MARF1: variants seen among roughly 807,000 people sequenced by gnomAD.
The protein encoded by MARF1 is limkain-b1.
Under a neutral mutation model 168.2 loss-of-function variants are expected in MARF1, and 24 were observed. The observed-to-expected ratio is 0.14, with a 90% CI of 0.10 to 0.20. MARF1 has a LOEUF of 0.20. Ranked by LOEUF, MARF1 falls within the 10% of genes least tolerant of loss-of-function variation. MARF1 has a pLI of 1.00. For missense variants in MARF1, 1,744 were observed against 2,143.6 expected (o/e 0.81, Z 3.68); for synonymous variants, 868 against 822.4 (o/e 1.06, Z -0.95).
chr16:15,635,456 ACT>A (rs1181619912), intron 3 of MARF1, 198 bp downstream of exon 3: 13 of 563,906 alleles, frequency 2.3e-5, no homozygotes, highest in Non-Finnish European at 3.1e-5. Flanking sequence ...AAAAATAATG[ACT>A]CTCTACTTTT....
intron 4 of MARF1, 119 bp from the exon 5 acceptor site, chr16:15,633,962 A>T (rs2035417551): frequency 1.2e-6 from 1 of 816,696 alleles, no homozygotes; most frequent in East Asian, 2.7e-5. Flanking sequence ...AATGAATGCC[A>T]AGTTTTAAGG....
At position 15,617,419 on chromosome 16, in the gene MARF1, C is replaced by T. The variant is rs1046378627; in HGVS notation, c.2837G>A (p.Ser946Asn). The T allele has an allele frequency of 3.7e-6, 6 of 1,613,876 alleles. No individual in the cohort carries two copies. The African/African-American group carries it at 8.0e-5, about 22-fold the overall frequency. ...GTGTGACTGGGAAGACCCCAAGGGG[C>T]TCTGGCGGGCCTGACTGCTGGGTAG... is the stretch of plus-strand genomic sequence containing the variant. The part of the protein sequence containing the change: ...CLLPSSQARQ[S>N]PLGSSQSHDG... The change falls in exon 14 of 27, where the codon AGC becomes AAC. Residue 946 changes from serine (S) to asparagine (N), a missense_variant. Ser to Asn is a conservative substitution (Grantham distance 46). Around this residue, in one of 7 missense-constraint regions of MARF1, gnomAD observed 543 missense variants for 742.1 expected, o/e 0.73. Transcript: ENST00000396368.
At chr16:15,612,516 C>T in intron 17 of MARF1, 41 bp downstream of exon 17, 3 of 1,538,378 alleles carry the variant, frequency 2.0e-6, no homozygotes, top group Middle Eastern at 1.7e-4. Context: ...CATGGAGGAA[C>T]ATTCCTGCCT....
At position 15,596,522 on chromosome 16, in the gene MARF1, G is replaced by T; in HGVS notation, c.*171C>A. Reference sequence around the variant, plus strand: ...AAGGAAGAAGAAAAGAAAGACTTCAGCTCAAAGCTGTGTTCAATGGAAAAG... The same window carrying T: ...AAGGAAGAAGAAAAGAAAGACTTCATCTCAAAGCTGTGTTCAATGGAAAAG... On this transcript the variant is annotated 3_prime_UTR_variant, in exon 27 of 27. Transcript: ENST00000396368. 1 of 514,768 alleles carries T rather than the reference G, an allele frequency of 1.9e-6. No individual in the cohort carries two copies. Among genetic ancestry groups the T allele is most frequent in the Non-Finnish European group, 3.3e-6 (1 of 306,102 alleles). The allele number at this position is 514,768 out of a possible 1,614,324, so 31.9% of individuals were successfully genotyped here.
intron 16 of MARF1, among the ~76,000 whole-genome samples, chr16:15,614,290 T>C (rs765361102): frequency 1.7e-5 from 2 of 119,360 alleles, no homozygotes; most frequent in Non-Finnish European, 3.7e-5. Context: ...AGACCATCCT[T>C]GCTAACACGG....
rs748200201 is a variant in MARF1, at chr16:15,636,302, T to C, written c.185A>G (p.Lys62Arg). ...MENKKVAVEL[K>R]DVPSPLHAGS... ...AGCATGAAGGGGTGATGGTACATCC[T>C]TTAGTTCCACAGCAACTTTCTTGTT... Residue 62 changes from lysine to arginine, a missense_variant, in exon 3 of 27, where the codon AAG becomes AGG. Transcript: ENST00000396368. The C allele has an allele frequency of 2.5e-6, 4 of 1,581,972 alleles. No homozygotes were observed. Among genetic ancestry groups the C allele is most frequent in the Non-Finnish European group, 3.4e-6 (4 of 1,162,864 alleles).
intron 13 of MARF1, among the ~76,000 whole-genome samples, chr16:15,618,443 C>CAGGGG (rs1238237202): frequency 1.3e-5 from 2 of 152,194 alleles, no homozygotes; most frequent in Non-Finnish European, 2.9e-5. Context: ...CTGTGTTACC[C>CAGGGG]CCGAGTCTCT....
intron 1 of MARF1, among the ~76,000 whole-genome samples, chr16:15,640,696 A>G (rs1251994207): frequency 6.6e-6 from 1 of 152,348 alleles, no homozygotes; most frequent in African/African-American, 2.4e-5. Flanking sequence ...ACCCTGTCTC[A>G]AAAACCAACA....
At chr16:15,605,667 G>C (rs2032947674) in intron 21 of MARF1, among the ~76,000 whole-genome samples, 1 of 152,096 alleles carries the variant, frequency 6.6e-6, no homozygotes, top group South Asian at 2.1e-4. Context: ...GAATTGCCTG[G>C]GGAGCTTTTA....
At chr16:15,631,304 T>C in intron 6 of MARF1, 77 bp downstream of exon 6, 1 of 993,080 alleles carries the variant, frequency 1.0e-6, no homozygotes, top group South Asian at 1.3e-5. Context: ...ACATTTTACT[T>C]TCACATGTTG....
chr16:15,633,184 C>CACAG (rs1169026273), intron 5 of MARF1, among the ~76,000 whole-genome samples: 1 of 149,632 alleles, frequency 6.7e-6, no homozygotes, highest in Non-Finnish European at 1.5e-5. Flanking sequence ...ACCACACACA[C>CACAG]ACACACACAC....
intron 26 of MARF1, among the ~76,000 whole-genome samples, chr16:15,597,344 C>T (rs946225811): frequency 6.6e-6 from 1 of 152,236 alleles, no homozygotes; most frequent in Non-Finnish European, 1.5e-5. Flanking sequence ...GTCGGAGCAT[C>T]TGGGTGTCAG....
chr16:15,631,936 T>C (rs1371242684), intron 5 of MARF1, among the ~76,000 whole-genome samples: 1 of 152,264 alleles, frequency 6.6e-6, no homozygotes, highest in Non-Finnish European at 1.5e-5. Flanking sequence ...CTCATTCTTT[T>C]TTATGGCTGC....
At chr16:15,637,107 T>TTG in intron 2 of MARF1, among the ~76,000 whole-genome samples, 1 of 152,308 alleles carries the variant, frequency 6.6e-6, no homozygotes, top group Non-Finnish European at 1.5e-5. Flanking sequence ...TACTCAATAG[T>TTG]TGTATGACCT....
Position 15,608,473 on chromosome 16 carries a change from C to G in MARF1, c.4000G>C (p.Glu1334Gln). The change falls in exon 21 of 27, where the codon GAG (glutamate) becomes CAG (glutamine). Residue 1334 changes from glutamate (E) to glutamine (Q), a missense_variant. Coordinates refer to ENST00000396368, the MANE Select transcript of MARF1 (RefSeq NM_014647.4). ...TGGGCAGCTAGAGCTTTGAACCGCT[C>G]CACCTCTGTCAGAGTAAGGATCTTT... is the stretch of plus-strand genomic sequence containing the variant. ...EEKILTLTEV[E>Q]RFKALAAQFV... is the part of the protein sequence containing the mutation. The G allele has an allele frequency of 6.8e-6, 11 of 1,614,118 alleles. No individual in the cohort carries two copies. Among genetic ancestry groups the G allele is most frequent in the Non-Finnish European group, 9.3e-6 (11 of 1,180,006 alleles).
chr16:15,633,671 T>C lies in MARF1; in HGVS notation c.1179A>G (p.Val393=), dbSNP rs753460491. Residue 393 remains valine (V), a synonymous_variant, in exon 5 of 27, where the codon GTA becomes GTG. Coordinates refer to ENST00000396368, the MANE Select transcript of MARF1 (RefSeq NM_014647.4). ...KGHREAEFIC[V]CDISKENKEV... ...CCTTGTTTTCTTTACTGATGTCACA[T>C]ACACAGATGAATTCTGCTTCTCTGT... The C allele has an allele frequency of 1.9e-6, 3 of 1,614,146 alleles. No homozygotes were observed. Among genetic ancestry groups the C allele is most frequent in the East Asian group, 2.2e-5 (1 of 44,886 alleles).
intron 22 of MARF1, among the ~76,000 whole-genome samples, chr16:15,603,062 C>G (rs2032665005): frequency 6.6e-6 from 1 of 152,148 alleles, no homozygotes; most frequent in Non-Finnish European, 1.5e-5. Context: ...AGTCCTTTGT[C>G]CTGAAATATG....
chr16:15,611,765 A>G, intron 17 of MARF1, 31 bp from the exon 18 acceptor site: 1 of 1,603,412 alleles, frequency 6.2e-7, no homozygotes, highest in Non-Finnish European at 8.5e-7. Flanking sequence ...TTATACACAT[A>G]AGACCTCAGC....
chr16:15,629,570 T>C (rs1276824122), intron 7 of MARF1, among the ~76,000 whole-genome samples: 1 of 152,218 alleles, frequency 6.6e-6, no homozygotes, highest in African/African-American at 2.4e-5. Context: ...TATTAAATTA[T>C]ATGTGAAGAC....
Sources: allele counts gnomAD v4.1 joint callset (sites outside exome capture counted in the v4.1 genomes callset), GRCh38; gene constraint gnomAD v4.1.1; regional missense constraint gnomAD v4.1.1; transcripts MANE v1.5; gene names NCBI Gene and HGNC (gene_info 2026-07-23, HGNC 2026-07-21).